MYO1D: variants seen among roughly 807,000 people sequenced by gnomAD.
The protein encoded by MYO1D is unconventional myosin-Id.
MYO1D carries 83 observed loss-of-function variants against 122.0 expected under a neutral mutation model. That is an observed-to-expected ratio of 0.68 (90% confidence interval 0.57 to 0.82). MYO1D has a LOEUF of 0.82. MYO1D is among the 40% of genes least tolerant of loss of function. The pLI is 0.00. For synonymous variants in MYO1D, 464 were observed against 446.9 expected, an observed-to-expected ratio of 1.04 and a Z score of -0.48; for missense variants, 1,157 against 1,269.5, an observed-to-expected ratio of 0.91 and a Z score of 1.35.
chr17:32,587,557 A>T (rs578053329), intron 21 of MYO1D, among the ~76,000 whole-genome samples: 2 of 152,202 alleles, frequency 1.3e-5, no homozygotes, highest in East Asian at 3.9e-4. Context: ...TGAATTCACC[A>T]AAAGTCATCT....
intron 19 of MYO1D, among the ~76,000 whole-genome samples, chr17:32,648,423 T>C (rs1313695960): frequency 6.6e-6 from 1 of 152,210 alleles, no homozygotes; most frequent in East Asian, 1.9e-4. Context: ...TGATATTTAT[T>C]TAGTCTTAGT....
At chr17:32,785,908 C>T (rs2090288658) in intron 1 of MYO1D, among the ~76,000 whole-genome samples, 1 of 152,096 alleles carries the variant, frequency 6.6e-6, no homozygotes, top group South Asian at 2.1e-4. Context: ...CCTTTCTACC[C>T]TCAGAAAATC....
rs74829040 is a variant in MYO1D, at chr17:32,659,508, C to G, written c.2122-170G>C. ...AGTTCCACCTGCCACCAACAGATGG[C>G]GTGGGGAGTCACATCAGTCATTTTG... is the stretch of plus-strand genomic sequence containing the variant. On this transcript the variant is annotated intron_variant, in intron 16 of 21. Coordinates refer to ENST00000318217, the MANE Select transcript of MYO1D (RefSeq NM_015194.3). The G allele has an allele frequency of 1.1e-3, 683 of 624,772 alleles. 1 individual carries two copies. The African/African-American group carries it at 0.011, about 10-fold the overall frequency. 38.7% of individuals were successfully genotyped at this position (624,772 alleles called of 1,614,324 possible). A position where few individuals can be genotyped will look rare whatever the true frequency, so the allele number is the denominator to read the frequency against.
intron 21 of MYO1D, among the ~76,000 whole-genome samples, chr17:32,502,326 T>C (rs975823385): frequency 6.6e-6 from 1 of 152,156 alleles, no homozygotes; most frequent in African/African-American, 2.4e-5. Context: ...ACATATTGTA[T>C]AACTACATTT....
intron 20 of MYO1D, among the ~76,000 whole-genome samples, chr17:32,632,248 C>A (rs1444679871): frequency 6.6e-6 from 1 of 152,138 alleles, no homozygotes; most frequent in Non-Finnish European, 1.5e-5. Context: ...GACAAGACCT[C>A]TTTTAATAAG....
At chr17:32,834,017 C>A (rs547018488) in intron 1 of MYO1D, among the ~76,000 whole-genome samples, 1 of 152,140 alleles carries the variant, frequency 6.6e-6, no homozygotes, top group South Asian at 2.1e-4. Context: ...TGTCTCCCCC[C>A]ACTAGAATTA....
At chr17:32,524,000 TTC>T (rs1398878241) in intron 21 of MYO1D, among the ~76,000 whole-genome samples, 2 of 152,182 alleles carry the variant, frequency 1.3e-5, no homozygotes, top group Non-Finnish European at 2.9e-5. Context: ...TGGCAAAGAG[TTC>T]TCTCAGCACA....
chr17:32,587,076 C>T lies in MYO1D; in HGVS notation c.2864+18011G>A, dbSNP rs150343438. ...CCTACCCTTGTAACAACAAGCAGTGCTCCTCTCTCATTTTTGTTACTAGTT... is the reference window on the plus strand; with the variant it reads ...CCTACCCTTGTAACAACAAGCAGTGTTCCTCTCTCATTTTTGTTACTAGTT... On this transcript the variant is annotated intron_variant, in intron 21 of 21. Coordinates refer to ENST00000318217, the MANE Select transcript of MYO1D (RefSeq NM_015194.3). 1.1e-4 allele frequency among the ~76,000 whole-genome samples: 17 copies of T among 152,248 alleles called. 1 individual carries two copies. The East Asian group carries it at 3.3e-3, about 29-fold the overall frequency.
chr17:32,696,759 T>C (rs765150045), intron 16 of MYO1D, among the ~76,000 whole-genome samples: 1 of 152,234 alleles, frequency 6.6e-6, no homozygotes, highest in Non-Finnish European at 1.5e-5. Flanking sequence ...TTTTAGTAAT[T>C]CCAAAGACTA....
At chr17:32,847,317 G>A (rs1457868866) in intron 1 of MYO1D, among the ~76,000 whole-genome samples, 3 of 152,206 alleles carry the variant, frequency 2.0e-5, no homozygotes, top group Admixed American at 2.0e-4. Flanking sequence ...GGAATCACAA[G>A]CATATATATG....
chr17:32,677,445 T>A (rs1044092707), intron 16 of MYO1D, among the ~76,000 whole-genome samples: 2 of 151,930 alleles, frequency 1.3e-5, no homozygotes, highest in African/African-American at 4.8e-5. Flanking sequence ...AAATGTTCCA[T>A]GTGAGTGGTG....
intron 17 of MYO1D, chr17:32,658,652 C>T (rs1437029028): frequency 6.5e-6 from 1 of 153,028 alleles, no homozygotes; most frequent in African/African-American, 2.4e-5. Flanking sequence ...GCCTGGGCCC[C>T]ACCCCTCCAG....
At chr17:32,754,912 AGATATGT>A (rs25578) in intron 11 of MYO1D, among the ~76,000 whole-genome samples, 52,840 of 151,656 alleles carry the variant, frequency 0.35, 10,600 homozygotes, top group East Asian at 0.53. Context: ...CAATTACTAC[AGATATGT>A]GATCTGTTTA....
intron 20 of MYO1D, among the ~76,000 whole-genome samples, chr17:32,614,502 A>G (rs2087746913): frequency 6.6e-6 from 1 of 152,112 alleles, no homozygotes; most frequent in Non-Finnish European, 1.5e-5. Context: ...TCTGTTTTCC[A>G]TTCAGAAACT....
At position 32,659,155 on chromosome 17, in the gene MYO1D, G is replaced by T. The variant is rs754135373; in HGVS notation, c.2305C>A (p.Leu769Ile). 2 of 1,614,186 alleles carry T rather than the reference G, an allele frequency of 1.2e-6. No individual in the cohort carries two copies. The highest frequency in any genetic ancestry group is 2.2e-5 in the South Asian group (2 of 91,084). The change falls in exon 17 of 22, where the codon CTT becomes ATT. Residue 769 changes from leucine (L) to isoleucine (I), a missense_variant. Leu to Ile is a conservative substitution (Grantham distance 5, BLOSUM62 2). Coordinates refer to ENST00000318217, the MANE Select transcript of MYO1D (RefSeq NM_015194.3). The stretch of plus-strand genomic sequence containing the variant: ...TGCAGGGCCTCCTCAAAACGGCGAA[G>T]AACTTTAGGAGGGCTTGGCCACTTC... ...HVKWPSPPKVLRRFEEALQTI... is the reference protein window; with the variant it reads ...HVKWPSPPKVIRRFEEALQTI...
At chr17:32,810,852 T>C (rs926455998) in intron 1 of MYO1D, among the ~76,000 whole-genome samples, 1 of 151,134 alleles carries the variant, frequency 6.6e-6, no homozygotes, top group Non-Finnish European at 1.5e-5. Flanking sequence ...TGAGGAGTTG[T>C]CTTTTTTTTT....
At chr17:32,770,889 T>C (rs558476581) in intron 6 of MYO1D, among the ~76,000 whole-genome samples, 6 of 152,202 alleles carry the variant, frequency 3.9e-5, no homozygotes, top group Admixed American at 2.0e-4. Flanking sequence ...ACATTGAATG[T>C]AGGAAAAAAC....
At chr17:32,836,360 A>G (rs1439190660) in intron 1 of MYO1D, among the ~76,000 whole-genome samples, 1 of 152,214 alleles carries the variant, frequency 6.6e-6, no homozygotes, top group African/African-American at 2.4e-5. Context: ...TAAAGAGCAC[A>G]TATAGGGCAT....
At chr17:32,626,576 A>C (rs2087930710) in intron 20 of MYO1D, among the ~76,000 whole-genome samples, 1 of 152,236 alleles carries the variant, frequency 6.6e-6, no homozygotes, top group Non-Finnish European at 1.5e-5. Flanking sequence ...CTTTGTGCCC[A>C]AAAGCAGTGA....
Sources: allele counts gnomAD v4.1 joint callset (sites outside exome capture counted in the v4.1 genomes callset), GRCh38; gene constraint gnomAD v4.1.1; transcripts MANE v1.5; gene names NCBI Gene and HGNC (gene_info 2026-07-23, HGNC 2026-07-21).